Variants in IP6K2 observed in about 807,000 individuals in gnomAD.
The protein encoded by IP6K2 is ATP:1D-myo-inositol-hexakisphosphate phosphotransferase.
IP6K2 carries 9 observed loss-of-function variants against 43.3 expected under a neutral mutation model. The observed-to-expected ratio is 0.21, with a 90% CI of 0.13 to 0.36. The LOEUF (loss-of-function observed/expected upper bound fraction) is 0.36, where lower values mean the gene tolerates loss of function less well. IP6K2 is among the 10% of genes least tolerant of loss of function. The pLI is 1.00. For synonymous variants in IP6K2, 209 were observed against 202.4 expected (o/e 1.03, Z -0.28); for missense variants, 332 against 538.4 (o/e 0.62, Z 3.79).
intron 1 of IP6K2, among the ~76,000 whole-genome samples, chr3:48,714,775 A>C (rs959643271): frequency 2.7e-5 from 4 of 150,288 alleles, no homozygotes; most frequent in Admixed American, 6.7e-5. Flanking sequence ...GTGAACCCGG[A>C]AGGCGGAGCT....
intron 1 of IP6K2, chr3:48,715,567 G>T: frequency 1.8e-6 from 2 of 1,123,534 alleles, no homozygotes; most frequent in Non-Finnish European, 2.6e-6. Context: ...CTGTTACACT[G>T]ATTTCTAGAT....
rs144394910 is a variant in IP6K2, at chr3:48,717,150, G to C, written c.-131+7C>G. 1 of 154,836 alleles carries C rather than the reference G, an allele frequency of 6.5e-6. No individual in the cohort carries two copies. Among genetic ancestry groups the C allele is most frequent in the Non-Finnish European group, 1.5e-5 (1 of 68,232 alleles). 9.6% of individuals were successfully genotyped at this position (154,836 alleles called of 1,614,324 possible). A position where few individuals can be genotyped will look rare whatever the true frequency, so the allele number is the denominator to read the frequency against. ...CGGGCACTAGGGCCATAGGACGCGA[G>C]CTTTACCTGCCGCCTCAGCCGGGTT... On this transcript the variant is annotated splice_region_variant and intron_variant, in intron 1 of 5. Transcript: ENST00000328631.
At position 48,688,248 on chromosome 3, in the gene IP6K2, T is replaced by G. The variant is rs1474787638; in HGVS notation, c.*25A>C. ...CTGTGCCTGGGACACAGAGTCGCTC[T>G]CAAGTACTGGAGCAGCTAGCAAGCT... On this transcript the variant is annotated 3_prime_UTR_variant, in exon 6 of 6. Coordinates refer to ENST00000328631, the MANE Select transcript of IP6K2 (RefSeq NM_016291.4). This position sits in a 1 kb window ranked among gnomAD's most constrained non-coding sequence, Gnocchi z 5.1. 1.2e-6 allele frequency: 2 copies of G among 1,607,976 alleles called. No homozygotes were observed. The highest frequency in any genetic ancestry group is 2.2e-5 in the East Asian group (1 of 44,734).
intron 1 of IP6K2, among the ~76,000 whole-genome samples, chr3:48,712,183 CAGG>C (rs1465635078): frequency 6.6e-6 from 1 of 151,224 alleles, no homozygotes; most frequent in Non-Finnish European, 1.5e-5. Flanking sequence ...TGCTTAATGC[CAGG>C]AGTTCAAGAC....
intron 2 of IP6K2, chr3:48,694,737 C>T (rs1487723579): frequency 1.2e-5 from 18 of 1,509,100 alleles, no homozygotes; most frequent in East Asian, 4.9e-5. Flanking sequence ...AAAAAGCAGG[C>T]GGCAAGTATT....
At chr3:48,710,258 C>G (rs1358326146) in intron 1 of IP6K2, among the ~76,000 whole-genome samples, 3 of 152,178 alleles carry the variant, frequency 2.0e-5, no homozygotes, top group African/African-American at 7.2e-5. Flanking sequence ...GGCTTGGTGG[C>G]ATGCGCCTGT....
Position 48,688,762 on chromosome 3 carries a change from T to G in IP6K2, c.792A>C (p.Ala264=). 1 of 1,609,994 alleles carries G rather than the reference T, an allele frequency of 6.2e-7. No homozygotes were observed. The highest frequency in any genetic ancestry group is 1.1e-5 in the South Asian group (1 of 90,486). The part of the protein sequence containing the change: ...VRVCGMQVYQ[A]GSGQLMFMNK... Reference sequence around the variant, plus strand: ...TCATGAACATGAGCTGCCCACTGCCTGCTTGGTACACCTGTAGGAGAGAGA... The same window carrying G: ...TCATGAACATGAGCTGCCCACTGCCGGCTTGGTACACCTGTAGGAGAGAGA... The change falls in exon 6 of 6, where the codon GCA becomes GCC. Residue 264 remains alanine (A), a synonymous_variant. Coordinates refer to ENST00000328631, the MANE Select transcript of IP6K2 (RefSeq NM_016291.4). This position sits in a 1 kb window ranked among gnomAD's most constrained non-coding sequence, Gnocchi z 5.1.
chr3:48,693,330 T>C, intron 2 of IP6K2, 151 bp from the exon 3 acceptor site: 3 of 1,099,240 alleles, frequency 2.7e-6, no homozygotes, highest in Non-Finnish European at 4.2e-6. Flanking sequence ...TTAACAAATA[T>C]CAAAACAGCT....
intron 3 of IP6K2, among the ~76,000 whole-genome samples, chr3:48,692,402 G>A (rs2077880341): frequency 6.6e-6 from 1 of 152,204 alleles, no homozygotes; most frequent in African/African-American, 2.4e-5. Flanking sequence ...GTACCACCTA[G>A]CCTCCAGTAC....
chr3:48,715,586 T>TC, intron 1 of IP6K2: 1 of 965,630 alleles, frequency 1.0e-6, no homozygotes, highest in South Asian at 1.6e-5. Context: ...ATCTCCCAGG[T>TC]CCCTGCCTTG....
At chr3:48,694,422 T>C (rs1035454766) in intron 2 of IP6K2, 3 of 1,548,036 alleles carry the variant, frequency 1.9e-6, no homozygotes, top group African/African-American at 2.7e-5. Context: ...AACCAGGTAA[T>C]GCACATTTAA....
chr3:48,692,740 G>C (rs143516689), intron 3 of IP6K2, among the ~76,000 whole-genome samples: 7 of 152,360 alleles, frequency 4.6e-5, no homozygotes, highest in Non-Finnish European at 1.0e-4. Context: ...ATCTCTTACA[G>C]CTGCCAGTGC....
chr3:48,715,196 A>G, intron 1 of IP6K2: 1 of 1,032,448 alleles, frequency 9.7e-7, no homozygotes, highest in South Asian at 1.4e-5. Flanking sequence ...TTTCTAATGT[A>G]TAAGAGTGTG....
chr3:48,712,703 G>A (rs2107080853), intron 1 of IP6K2, among the ~76,000 whole-genome samples: 1 of 152,120 alleles, frequency 6.6e-6, no homozygotes, highest in Middle Eastern at 3.4e-3. Flanking sequence ...GCAACTGAGT[G>A]AGACTGTCTT....
chr3:48,715,904 G>A (rs1480005780), intron 1 of IP6K2, among the ~76,000 whole-genome samples: 2 of 148,634 alleles, frequency 1.3e-5, no homozygotes, highest in African/African-American at 2.5e-5. Flanking sequence ...AATTTTAAAT[G>A]ACAGTTAACA....
At chr3:48,698,296 G>GTACCTGTTCCCTT (rs2078635710) in intron 1 of IP6K2, among the ~76,000 whole-genome samples, 1 of 152,158 alleles carries the variant, frequency 6.6e-6, no homozygotes, top group Non-Finnish European at 1.5e-5. Context: ...CACATGTCAG[G>GTACCTGTTCCCTT]TACCATAATT....
chr3:48,693,991 A>AAACG, intron 2 of IP6K2: 1 of 1,378,358 alleles, frequency 7.3e-7, no homozygotes. Context: ...AGCGCCTTAC[A>AAACG]AACGACTGGC....
rs1352538567 is a variant in IP6K2, at chr3:48,692,937, CCT to C, written c.428+15_428+16del. On this transcript the variant is annotated intron_variant, in intron 3 of 5. Transcript: ENST00000328631. ...CCCCTCCCACATAGCCCAGAGTTGCCCTCTGTCTACACTCACCTCTTCATTTT... is the reference window on the plus strand; with the variant it reads ...CCCCTCCCACATAGCCCAGAGTTGCCCTGTCTACACTCACCTCTTCATTTT... 3.8e-6 allele frequency: 6 copies of C among 1,580,312 alleles called. No homozygotes were observed. Among genetic ancestry groups the C allele is most frequent in the Non-Finnish European group, 5.2e-6 (6 of 1,152,036 alleles).
At chr3:48,697,232 G>A (rs2078464819) in intron 1 of IP6K2, among the ~76,000 whole-genome samples, 2 of 151,898 alleles carry the variant, frequency 1.3e-5, no homozygotes, top group African/African-American at 4.8e-5. Context: ...ATGTTAGCCA[G>A]GATGGTCTTG....
Sources: allele counts gnomAD v4.1 joint callset (sites outside exome capture counted in the v4.1 genomes callset), GRCh38; gene constraint gnomAD v4.1.1; non-coding constraint Gnocchi (gnomAD v3.1); transcripts MANE v1.5; gene names NCBI Gene and HGNC (gene_info 2026-07-23, HGNC 2026-07-21).